RCAN3: variants seen among roughly 807,000 people sequenced by gnomAD.
RCAN3 encodes the protein regulator of calcineurin 3.
Under a neutral mutation model 21.9 loss-of-function variants are expected in RCAN3, and 19 were observed. The ratio of observed to expected loss-of-function variants is 0.87; its 90% CI spans 0.61 to 1.27. The LOEUF is 1.27. Among genes scored for constraint, RCAN3 ranks in the 50% most tolerant of loss-of-function variants. RCAN3 has a pLI of 0.00. For missense variants in RCAN3, 240 were observed against 300.1 expected, an observed-to-expected ratio of 0.80 and a Z score of 1.48; for synonymous variants, 114 against 112.3, an observed-to-expected ratio of 1.01 and a Z score of -0.09.
intron 2 of RCAN3, among the ~76,000 whole-genome samples, chr1:24,527,959 TA>T: frequency 6.6e-6 from 1 of 152,270 alleles, no homozygotes; most frequent in East Asian, 1.9e-4. Context: ...TCTTTTTCTC[TA>T]GTCCATCTCA....
rs146349634 is a variant in RCAN3 at position 24,533,045 on chromosome 1, G to A, written c.370-38G>A. 4.3e-5 allele frequency: 58 copies of A among 1,348,384 alleles called. No homozygotes were observed. In the African/African-American group the frequency reaches 6.8e-4, roughly 16 times the overall value. The allele number at this position is 1,348,384 out of a possible 1,614,324, so 83.5% of individuals were successfully genotyped here. ...GGTGAAAATGAAGAAAACATAGCCC[G>A]GTTTGCAAACTGGCTTTGAGCGTCT... On this transcript the variant is annotated intron_variant, in intron 3 of 4. Transcript: ENST00000374395.
intron 1 of RCAN3, among the ~76,000 whole-genome samples, chr1:24,505,236 T>C (rs1462184625): frequency 4.8e-4 from 66 of 136,864 alleles, no homozygotes; most frequent in African/African-American, 1.5e-3. Flanking sequence ...TTTTTTCTTT[T>C]TTTTTTTTTT....
Position 24,527,243 on chromosome 1 carries a change from T to G in RCAN3, c.196-3975T>G, listed in dbSNP as rs904940774. ...TTGGCCAGGCTGGTCTCGAAGTTGA[T>G]CCGCCTGCCTCTGCCTCCCAAAGTG... On this transcript the variant is annotated intron_variant, in intron 2 of 4. Coordinates refer to ENST00000374395, the MANE Select transcript of RCAN3 (RefSeq NM_013441.4). Among the ~76,000 whole-genome samples the G allele has an allele frequency of 2.0e-5, 3 of 152,126 alleles. No homozygotes were observed. The South Asian group carries it at 6.2e-4, about 31-fold the overall frequency.
At chr1:24,523,256 G>A (rs555482169) in intron 2 of RCAN3, among the ~76,000 whole-genome samples, 11 of 152,052 alleles carry the variant, frequency 7.2e-5, no homozygotes, top group Non-Finnish European at 1.5e-4. Context: ...GTGGAGACGG[G>A]GCTTCACCAT....
intron 1 of RCAN3, among the ~76,000 whole-genome samples, chr1:24,511,190 G>C (rs1179985873): frequency 6.6e-6 from 1 of 152,102 alleles, no homozygotes. Flanking sequence ...GCGTGTACCT[G>C]TAGTCCCAGC....
chr1:24,531,147 C>T (rs1649726202), intron 2 of RCAN3, 71 bp from the exon 3 acceptor site: 3 of 1,065,666 alleles, frequency 2.8e-6, no homozygotes, highest in South Asian at 2.3e-5. Context: ...TTTAAATTTC[C>T]CCTTCTGTTA....
At chr1:24,523,098 CTG>C (rs1648949923) in intron 2 of RCAN3, among the ~76,000 whole-genome samples, 2 of 150,758 alleles carry the variant, frequency 1.3e-5, no homozygotes, top group South Asian at 4.2e-4. Context: ...GAGTCTCACT[CTG>C]TTGCCCAGGC....
chr1:24,520,828 A>G (rs1648741195), intron 2 of RCAN3, among the ~76,000 whole-genome samples: 2 of 152,148 alleles, frequency 1.3e-5, no homozygotes, highest in South Asian at 4.1e-4. Context: ...AACTTAAAGT[A>G]TAATAATAAT....
intron 1 of RCAN3, among the ~76,000 whole-genome samples, chr1:24,507,963 A>T (rs1226862318): frequency 1.3e-5 from 2 of 152,192 alleles, no homozygotes; most frequent in Non-Finnish European, 2.9e-5. Context: ...CTGTAGTCCC[A>T]GCTACTCGGG....
rs189290373 is a variant in RCAN3 at position 24,525,470 on chromosome 1, G to A, written c.196-5748G>A. Among the ~76,000 whole-genome samples, 2 of 152,270 alleles carry A rather than the reference G, an allele frequency of 1.3e-5. No homozygotes were observed. The highest frequency in any genetic ancestry group is 1.9e-4 in the East Asian group (1 of 5,184). On this transcript the variant is annotated intron_variant, in intron 2 of 4. Coordinates refer to ENST00000374395, the MANE Select transcript of RCAN3 (RefSeq NM_013441.4). This position sits in a 1 kb window ranked among gnomAD's most constrained non-coding sequence, Gnocchi z 4.1. ...CATTGTTTGTGTTATGCCTGTAGAC[G>A]TTGTGCTGCCAGAGGGGGATACTAA... is the stretch of plus-strand genomic sequence containing the variant.
At chr1:24,522,542 C>T (rs775092291) in intron 2 of RCAN3, among the ~76,000 whole-genome samples, 1 of 152,236 alleles carries the variant, frequency 6.6e-6, no homozygotes, top group Non-Finnish European at 1.5e-5. Flanking sequence ...CAGTTGCCCA[C>T]AGAGGTGACC....
intron 3 of RCAN3, among the ~76,000 whole-genome samples, chr1:24,532,873 C>T (rs919977847): frequency 1.1e-4 from 14 of 130,786 alleles, no homozygotes; most frequent in African/African-American, 3.0e-4. Context: ...AATGTGAACC[C>T]GGGAGGTGGA....
chr1:24,534,613 A>G (rs1303524904), intron 4 of RCAN3, among the ~76,000 whole-genome samples: 2 of 147,684 alleles, frequency 1.4e-5, no homozygotes, highest in East Asian at 1.9e-4. Context: ...TCTCAAAAAA[A>G]AGAAAAAAAA....
intron 1 of RCAN3, among the ~76,000 whole-genome samples, chr1:24,513,032 TCGAGACCA>T: frequency 6.6e-6 from 1 of 151,830 alleles, no homozygotes; most frequent in Admixed American, 6.6e-5. Flanking sequence ...GGTCAGGAGA[TCGAGACCA>T]TCCTGGCTAA....
At chr1:24,507,373 T>C (rs1315686209) in intron 1 of RCAN3, among the ~76,000 whole-genome samples, 1 of 152,236 alleles carries the variant, frequency 6.6e-6, no homozygotes, top group East Asian at 1.9e-4. Flanking sequence ...AAGCTATCTC[T>C]AATCCCATGC....
chr1:24,533,408 G>A (rs1228759066), intron 4 of RCAN3, among the ~76,000 whole-genome samples, 154 bp downstream of exon 4: 1 of 152,198 alleles, frequency 6.6e-6, no homozygotes, highest in Non-Finnish European at 1.5e-5. Context: ...TGCTTGCTCT[G>A]TGATCTTGAA....
intron 2 of RCAN3, among the ~76,000 whole-genome samples, chr1:24,517,019 A>G (rs2148898576): frequency 6.6e-6 from 1 of 152,004 alleles, no homozygotes; most frequent in Non-Finnish European, 1.5e-5. Flanking sequence ...TGAATTGCCA[A>G]TTTATGTTAA....
chr1:24,513,006 G>C lies in RCAN3; in HGVS notation c.-59-1308G>C, dbSNP rs573500699. ...TAATCCCAGCGCTTTAGGAGGCCGA[G>C]TTGGGCGGATCACCAGGTCAGGAGA... On this transcript the variant is annotated intron_variant, in intron 1 of 4. Transcript: ENST00000374395. Among the ~76,000 whole-genome samples, 6 of 152,268 alleles carry C rather than the reference G, an allele frequency of 3.9e-5. No individual in the cohort carries two copies. The South Asian group carries it at 1.2e-3, about 32-fold the overall frequency.
At chr1:24,527,476 A>G (rs1284769630) in intron 2 of RCAN3, among the ~76,000 whole-genome samples, 1 of 152,234 alleles carries the variant, frequency 6.6e-6, no homozygotes, top group Non-Finnish European at 1.5e-5. Context: ...TTTTTAGGAT[A>G]AATGATGTTT....
Sources: allele counts gnomAD v4.1 joint callset (sites outside exome capture counted in the v4.1 genomes callset), GRCh38; gene constraint gnomAD v4.1.1; non-coding constraint Gnocchi (gnomAD v3.1); transcripts MANE v1.5; gene names NCBI Gene and HGNC (gene_info 2026-07-23, HGNC 2026-07-21).